The following GALNTL6 variants were observed in gnomAD, a reference collection of about 807,000 sequenced individuals.
The protein encoded by GALNTL6 is polypeptide N-acetylgalactosaminyltransferase-like 6.
GALNTL6 carries 46 observed loss-of-function variants against 73.7 expected under a neutral mutation model. The ratio of observed to expected loss-of-function variants is 0.62; its 90% CI spans 0.49 to 0.80. GALNTL6 has a LOEUF of 0.80. GALNTL6 is among the 30% of genes least tolerant of loss of function. The probability of loss-of-function intolerance (pLI) is 0.00; values close to 1 mark genes in which losing one functional copy is unlikely to be tolerated. For missense variants in GALNTL6, 604 were observed against 755.0 expected, an observed-to-expected ratio of 0.80 and a Z score of 2.34; for synonymous variants, 259 against 263.7, an observed-to-expected ratio of 0.98 and a Z score of 0.17.
At chr4:172,065,799 G>A (rs1346851935) in intron 2 of GALNTL6, among the ~76,000 whole-genome samples, 2 of 152,204 alleles carry the variant, frequency 1.3e-5, no homozygotes, top group Non-Finnish European at 2.9e-5. Context: ...CACGGCAGAA[G>A]GCACCTTTCA....
chr4:172,589,029 C>A (rs1737536376), intron 5 of GALNTL6, among the ~76,000 whole-genome samples: 2 of 152,222 alleles, frequency 1.3e-5, no homozygotes, highest in South Asian at 2.1e-4. Context: ...AATATTATAT[C>A]TAGACATTTG....
At chr4:172,846,414 G>A (rs1033645965) in intron 7 of GALNTL6, among the ~76,000 whole-genome samples, 5 of 152,016 alleles carry the variant, frequency 3.3e-5, no homozygotes, top group African/African-American at 9.7e-5. Flanking sequence ...TAATCATCTC[G>A]TTATCTGTCT....
chr4:172,559,815 T>C lies in GALNTL6; in HGVS notation c.553+211126T>C, dbSNP rs143404098. On this transcript the variant is annotated intron_variant, in intron 5 of 12. Coordinates refer to ENST00000506823, the MANE Select transcript of GALNTL6 (RefSeq NM_001034845.3). ...ATAATGTGTTGAATTTTAATAAACA[T>C]ATTATCATGGCAATGGCAATAATTT... Among the ~76,000 whole-genome samples, 909 of 152,334 alleles carry C rather than the reference T, an allele frequency of 6.0e-3. 7 individuals are homozygous for C. Among genetic ancestry groups the C allele is most frequent in the Admixed American group, 0.011 (174 of 15,302 alleles).
chr4:171,989,235 A>G (rs1740243624), intron 2 of GALNTL6, among the ~76,000 whole-genome samples: 1 of 152,112 alleles, frequency 6.6e-6, no homozygotes, highest in Non-Finnish European at 1.5e-5. Context: ...AGAGTTACTC[A>G]AAGCTTGGTG....
chr4:171,870,573 G>A (rs1015127135), intron 2 of GALNTL6, among the ~76,000 whole-genome samples: 7 of 151,992 alleles, frequency 4.6e-5, no homozygotes, highest in Admixed American at 2.6e-4. Context: ...CATTGGTATA[G>A]GTTGAATTTT....
chr4:171,919,931 C>T (rs2110976700), intron 2 of GALNTL6, among the ~76,000 whole-genome samples: 1 of 152,222 alleles, frequency 6.6e-6, no homozygotes, highest in South Asian at 2.1e-4. Context: ...GATTATAAAT[C>T]AAGCTGCTAT....
intron 2 of GALNTL6, among the ~76,000 whole-genome samples, chr4:172,182,751 A>T (rs1735293090): frequency 6.6e-6 from 1 of 152,000 alleles, no homozygotes; most frequent in Non-Finnish European, 1.5e-5. Flanking sequence ...TATTTTAAAT[A>T]TAAAAAAATT....
intron 2 of GALNTL6, among the ~76,000 whole-genome samples, chr4:172,011,991 A>G (rs760328045): frequency 8.6e-5 from 13 of 152,022 alleles, no homozygotes; most frequent in Non-Finnish European, 1.8e-4. Flanking sequence ...AAAAAGTGCA[A>G]GCCTGCTTAT....
chr4:171,946,433 G>GT (rs1193528640), intron 2 of GALNTL6, among the ~76,000 whole-genome samples: 4 of 152,094 alleles, frequency 2.6e-5, no homozygotes, highest in African/African-American at 9.7e-5. Flanking sequence ...CCTGGGTAGA[G>GT]TTTTCTACCT....
intron 5 of GALNTL6, among the ~76,000 whole-genome samples, chr4:172,522,676 C>T (rs865865163): frequency 3.0e-5 from 2 of 67,014 alleles, no homozygotes; most frequent in Non-Finnish European, 6.3e-5. Flanking sequence ...CCCCCCCCCC[C>T]CCAAAAAAAA....
At chr4:172,388,996 A>C (rs1743571292) in intron 5 of GALNTL6, among the ~76,000 whole-genome samples, 1 of 151,984 alleles carries the variant, frequency 6.6e-6, no homozygotes. Flanking sequence ...AATATTTCTA[A>C]TAGCTTAAAG....
intron 3 of GALNTL6, among the ~76,000 whole-genome samples, chr4:172,287,515 G>A (rs1739305679): frequency 6.6e-6 from 1 of 152,148 alleles, no homozygotes. Flanking sequence ...AACAAATTAT[G>A]TCATTTCTAT....
At chr4:172,907,224 A>T (rs1462041404) in intron 8 of GALNTL6, among the ~76,000 whole-genome samples, 1 of 152,088 alleles carries the variant, frequency 6.6e-6, no homozygotes, top group Non-Finnish European at 1.5e-5. Flanking sequence ...TTTTTTTCTA[A>T]AATCAGAAAA....
At chr4:172,288,593 G>T (rs1039858783) in intron 3 of GALNTL6, among the ~76,000 whole-genome samples, 15 of 152,078 alleles carry the variant, frequency 9.9e-5, no homozygotes, top group Admixed American at 8.5e-4. Flanking sequence ...CGTTTCCCTA[G>T]TTATAAAGCA....
chr4:172,166,557 T>C (rs980949480), intron 2 of GALNTL6, among the ~76,000 whole-genome samples: 3 of 152,144 alleles, frequency 2.0e-5, no homozygotes, highest in African/African-American at 7.2e-5. Flanking sequence ...ATAAGCCAAA[T>C]CATCTGATCT....
intron 8 of GALNTL6, among the ~76,000 whole-genome samples, chr4:172,915,782 A>G (rs1265400711): frequency 6.6e-6 from 1 of 152,198 alleles, no homozygotes; most frequent in African/African-American, 2.4e-5. Context: ...AAAGTCCAGT[A>G]CCAGATGGAT....
At chr4:172,306,859 T>C (rs1371236632) in intron 3 of GALNTL6, among the ~76,000 whole-genome samples, 1 of 152,192 alleles carries the variant, frequency 6.6e-6, no homozygotes, top group East Asian at 1.9e-4. Context: ...TACACACTCA[T>C]TGGTTAATGA....
chr4:171,903,732 T>A (rs896259970), intron 2 of GALNTL6, among the ~76,000 whole-genome samples: 1 of 151,928 alleles, frequency 6.6e-6, no homozygotes, highest in African/African-American at 2.4e-5. Context: ...TTCTGCAGAC[T>A]TAAATGTCCC....
chr4:173,003,021 C>T (rs908203366), intron 10 of GALNTL6, among the ~76,000 whole-genome samples: 2 of 152,048 alleles, frequency 1.3e-5, no homozygotes, highest in East Asian at 1.9e-4. Context: ...GTTGCTGTTT[C>T]GAATTATGAA....
Sources: allele counts gnomAD v4.1 joint callset (sites outside exome capture counted in the v4.1 genomes callset), GRCh38; gene constraint gnomAD v4.1.1; transcripts MANE v1.5; gene names NCBI Gene and HGNC (gene_info 2026-07-23, HGNC 2026-07-21).